LRP1B: variants seen among roughly 807,000 people sequenced by gnomAD.
LRP1B encodes LDL receptor related protein 1B.
Under a neutral mutation model 556.6 loss-of-function variants are expected in LRP1B, and 217 were observed. That is an observed-to-expected ratio of 0.39 (90% CI 0.35 to 0.44). The LOEUF (loss-of-function observed/expected upper bound fraction) is 0.44. LRP1B is among the 20% of genes least tolerant of loss of function. The probability of loss-of-function intolerance (pLI) is 1.00; values close to 1 mark genes in which losing one functional copy is unlikely to be tolerated. For synonymous variants in LRP1B, 2,047 were observed against 1,865.8 expected, an observed-to-expected ratio of 1.10 and a Z score of -2.50; for missense variants, 5,053 against 5,620.8, an observed-to-expected ratio of 0.90 and a Z score of 3.23.
At chr2:140,327,822 ACCCACTTTT>A (rs547737161) in intron 79 of LRP1B, among the ~76,000 whole-genome samples, 270 of 152,078 alleles carry the variant, frequency 1.8e-3, no homozygotes, top group African/African-American at 6.4e-3. Context: ...TTTGTCTAAG[ACCCACTTTT>A]ATCAGCTCTG....
intron 2 of LRP1B, among the ~76,000 whole-genome samples, chr2:141,576,160 A>G (rs1440535796): frequency 7.1e-6 from 1 of 140,836 alleles, no homozygotes. Flanking sequence ...TTATCACAGT[A>G]CTATTTAGCA....
In LRP1B at chr2:141,919,627, AAC is replaced by A. The variant is rs144581596; in HGVS notation, c.83-109228_83-109227del. Reference sequence around the variant, plus strand: ...GTCTACAAATGAATGAAAATTATGAAACAGTGTTCTCACAGCAATATTTTTTA... The same window carrying A: ...GTCTACAAATGAATGAAAATTATGAAAGTGTTCTCACAGCAATATTTTTTA... On this transcript the variant is annotated intron_variant, in intron 1 of 90. Coordinates refer to ENST00000389484, the MANE Select transcript of LRP1B (RefSeq NM_018557.3). Among the ~76,000 whole-genome samples the A allele has an allele frequency of 2.7e-3, 413 of 152,186 alleles. 1 individual carries two copies. Among genetic ancestry groups the A allele is most frequent in the African/African-American group, 9.2e-3 (382 of 41,578 alleles).
chr2:140,827,255 C>T (rs1369405141), intron 31 of LRP1B, among the ~76,000 whole-genome samples: 2 of 152,004 alleles, frequency 1.3e-5, no homozygotes, highest in Non-Finnish European at 2.9e-5. Flanking sequence ...CCAAGACCTC[C>T]TCAAATGGAC....
chr2:140,869,420 C>G (rs1040537287), intron 25 of LRP1B, among the ~76,000 whole-genome samples: 5 of 151,886 alleles, frequency 3.3e-5, no homozygotes, highest in African/African-American at 1.2e-4. Flanking sequence ...ATAAAAAACC[C>G]ACAACAATAG....
At chr2:141,462,202 A>G (rs1161239840) in intron 3 of LRP1B, among the ~76,000 whole-genome samples, 4 of 152,168 alleles carry the variant, frequency 2.6e-5, no homozygotes, top group Non-Finnish European at 5.9e-5. Flanking sequence ...TAGCCCATCA[A>G]TTGTGATTAC....
At chr2:141,233,672 T>C (rs1014218778) in intron 5 of LRP1B, among the ~76,000 whole-genome samples, 15 of 152,268 alleles carry the variant, frequency 9.9e-5, no homozygotes, top group Admixed American at 6.5e-4. Context: ...AATATGATTT[T>C]GATATATATG....
chr2:140,540,824 T>A (rs1680105460), intron 45 of LRP1B, 149 bp downstream of exon 45: 1 of 854,674 alleles, frequency 1.2e-6, no homozygotes, highest in Admixed American at 3.1e-5. Flanking sequence ...AACAGTGAAC[T>A]CGGTTTTCTT....
intron 31 of LRP1B, among the ~76,000 whole-genome samples, chr2:140,837,409 A>G (rs1292811209): frequency 6.6e-6 from 1 of 152,218 alleles, no homozygotes; most frequent in Non-Finnish European, 1.5e-5. Context: ...TATTGAATAA[A>G]TGAATGTTTG....
At chr2:141,651,754 T>G (rs907922379) in intron 2 of LRP1B, among the ~76,000 whole-genome samples, 18 of 152,214 alleles carry the variant, frequency 1.2e-4, no homozygotes, top group African/African-American at 4.1e-4. Flanking sequence ...GTATCTTGAA[T>G]TTTTATTTGC....
At chr2:142,042,379 G>A (rs375963670) in intron 1 of LRP1B, among the ~76,000 whole-genome samples, 1 of 151,298 alleles carries the variant, frequency 6.6e-6, no homozygotes, top group African/African-American at 2.4e-5. Flanking sequence ...TAATTAGGAC[G>A]GAAAGTTGAA....
chr2:140,564,283 T>C (rs963666050), intron 43 of LRP1B, among the ~76,000 whole-genome samples: 3 of 152,108 alleles, frequency 2.0e-5, no homozygotes, highest in African/African-American at 7.2e-5. Flanking sequence ...TTTTGAAACC[T>C]GGTAGCAAAT....
rs778674695 is a variant in LRP1B at position 140,565,096 on chromosome 2, GA to G, written c.7195-23126del. Among the ~76,000 whole-genome samples the G allele has an allele frequency of 5.5e-4, 70 of 126,468 alleles. 1 individual carries two copies. Among genetic ancestry groups the G allele is most frequent in the South Asian group, 3.5e-3 (13 of 3,756 alleles). The allele number at this position is 126,468 out of a possible 152,430, so 83.0% of individuals were successfully genotyped here. A position where few individuals can be genotyped will look rare whatever the true frequency, so the allele number is the denominator to read the frequency against. On this transcript the variant is annotated intron_variant, in intron 43 of 90. Coordinates refer to ENST00000389484, the MANE Select transcript of LRP1B (RefSeq NM_018557.3). ...TTTTTTTCACGGCAGATTCTAAGTG[GA>G]AAAAAAGTAGCCTGAAGAATATGGC...
intron 23 of LRP1B, among the ~76,000 whole-genome samples, chr2:140,895,428 C>T (rs763077098): frequency 5.3e-5 from 8 of 152,278 alleles, no homozygotes; most frequent in East Asian, 1.9e-4. Context: ...ACTCAGCCTG[C>T]GGCTCTCAAC....
At chr2:141,689,841 A>C (rs1053996281) in intron 2 of LRP1B, among the ~76,000 whole-genome samples, 1 of 151,826 alleles carries the variant, frequency 6.6e-6, no homozygotes, top group Non-Finnish European at 1.5e-5. Flanking sequence ...TAAACAAGCT[A>C]TGAAAATTTA....
chr2:141,197,950 T>C (rs1019776283), intron 6 of LRP1B, among the ~76,000 whole-genome samples: 1 of 152,112 alleles, frequency 6.6e-6, no homozygotes, highest in African/African-American at 2.4e-5. Context: ...TTCTTGTATA[T>C]TATGAATATT....
chr2:141,865,615 A>T (rs1377160111), intron 1 of LRP1B, among the ~76,000 whole-genome samples: 1 of 151,624 alleles, frequency 6.6e-6, no homozygotes, highest in African/African-American at 2.4e-5. Flanking sequence ...AAAGAAAAAA[A>T]AAAAGAAAAA....
At chr2:141,079,633 T>C (rs1457111355) in intron 7 of LRP1B, among the ~76,000 whole-genome samples, 1 of 152,198 alleles carries the variant, frequency 6.6e-6, no homozygotes, top group East Asian at 1.9e-4. Context: ...ACAGATATGA[T>C]CAAATTTTCA....
chr2:140,565,165 A>G (rs552047776), intron 43 of LRP1B, among the ~76,000 whole-genome samples: 92 of 150,928 alleles, frequency 6.1e-4, no homozygotes, highest in African/African-American at 2.2e-3. Context: ...ACGTAATAAT[A>G]TATAATATAT....
intron 2 of LRP1B, among the ~76,000 whole-genome samples, chr2:141,571,709 G>A (rs548027007): frequency 3.3e-5 from 5 of 151,754 alleles, no homozygotes; most frequent in Non-Finnish European, 5.9e-5. Context: ...ATTGCCACTA[G>A]AACAACCAGT....
Sources: gnomAD v4.1 joint callset for allele counts (sites outside exome capture counted in the v4.1 genomes callset) on GRCh38, gnomAD v4.1.1 for gene constraint, MANE v1.5 for transcripts, NCBI Gene and HGNC (gene_info 2026-07-23, HGNC 2026-07-21) for gene names.